Variants in BCKDHB observed in about 807,000 individuals in gnomAD.
The protein encoded by BCKDHB is branched chain keto acid dehydrogenase E1 subunit beta.
A neutral mutation model predicts 48.5 loss-of-function variants in BCKDHB; 41 were observed. The ratio of observed to expected loss-of-function variants is 0.85; its 90% CI spans 0.66 to 1.10. BCKDHB has a LOEUF of 1.10. Among genes scored for constraint, BCKDHB ranks in the 50% least tolerant of loss-of-function variants. The pLI is 0.00. For missense variants in BCKDHB, 496 were observed against 494.2 expected (o/e 1.00, Z -0.03); for synonymous variants, 201 against 174.8 (o/e 1.15, Z -1.18).
chr6:80,452,564 GTTTAT>G, the BCKDHB span, among the ~76,000 whole-genome samples: 2 of 152,098 alleles, frequency 1.3e-5, no homozygotes, highest in Admixed American at 1.3e-4. Flanking sequence ...ATTATGAAAT[GTTTAT>G]TTTATTATTA....
Position 80,343,732 on chromosome 6 carries a change from C to A in BCKDHB, c.1107C>A (p.His369Gln). 6.2e-7 allele frequency: 1 copy of A among 1,613,952 alleles called. No individual in the cohort carries two copies. The highest frequency in any genetic ancestry group is 8.5e-7 in the Non-Finnish European group (1 of 1,179,888). ...GTGGTTATGACACACCATTTCCTCACATTTTTGAACCATTCTACATCCCAG... is the reference window on the plus strand; with the variant it reads ...GTGGTTATGACACACCATTTCCTCAAATTTTTGAACCATTCTACATCCCAG... ...RVCGYDTPFP[H>Q]IFEPFYIPDK... Residue 369 changes from histidine (H) to glutamine (Q), a missense_variant, in exon 10 of 10, where the codon CAC (histidine) becomes CAA (glutamine). His to Gln is a conservative substitution (Grantham distance 24). Transcript: ENST00000320393.
At chr6:80,185,997 G>T (rs1488408177) in intron 6 of BCKDHB, among the ~76,000 whole-genome samples, 1 of 152,106 alleles carries the variant, frequency 6.6e-6, no homozygotes, top group African/African-American at 2.4e-5. Flanking sequence ...TCCTTTTTTG[G>T]AGCAGGGTTA....
At chr6:80,311,856 A>T (rs1005165484) in intron 9 of BCKDHB, among the ~76,000 whole-genome samples, 2 of 152,128 alleles carry the variant, frequency 1.3e-5, no homozygotes, top group African/African-American at 4.8e-5. Flanking sequence ...AAGTCGAGTA[A>T]CATTGATGCC....
At chr6:80,382,177 T>A in the BCKDHB span, among the ~76,000 whole-genome samples, 1 of 152,276 alleles carries the variant, frequency 6.6e-6, no homozygotes, top group Admixed American at 6.5e-5. Context: ...TTTTCATTCC[T>A]CTCAACCATC....
chr6:80,427,883 T>A, the BCKDHB span, among the ~76,000 whole-genome samples: 1 of 152,088 alleles, frequency 6.6e-6, no homozygotes, highest in Non-Finnish European at 1.5e-5. Flanking sequence ...CTGATTCAAT[T>A]TTTATTTTTT....
At chr6:80,410,654 TTTCTC>T in the BCKDHB span, among the ~76,000 whole-genome samples, 11 of 152,344 alleles carry the variant, frequency 7.2e-5, no homozygotes, top group South Asian at 1.7e-3. Context: ...TTTCTACTCT[TTTCTC>T]TAATCTTGTC....
At chr6:80,290,571 T>C (rs546460537) in intron 9 of BCKDHB, among the ~76,000 whole-genome samples, 64 of 152,334 alleles carry the variant, frequency 4.2e-4, no homozygotes, top group African/African-American at 1.5e-3. Flanking sequence ...ATGGATTGCA[T>C]TGAGACTACA....
the BCKDHB span, chr6:80,356,952 G>GCCCC: frequency 2.2e-5 from 2 of 90,358 alleles, no homozygotes; most frequent in African/African-American, 1.0e-4. Context: ...CCCCGCCCCC[G>GCCCC]CCCCCCCCCC....
At chr6:80,458,527 T>C in the BCKDHB span, among the ~76,000 whole-genome samples, 1 of 152,172 alleles carries the variant, frequency 6.6e-6, no homozygotes, top group Non-Finnish European at 1.5e-5. Flanking sequence ...CGGATTCCTG[T>C]CTAGGCCACA....
At chr6:80,267,192 G>T (rs1375195940) in intron 8 of BCKDHB, among the ~76,000 whole-genome samples, 1 of 152,066 alleles carries the variant, frequency 6.6e-6, no homozygotes, top group Admixed American at 6.6e-5. Flanking sequence ...GAGGTTGGAG[G>T]ATTAGACATA....
chr6:80,158,957 T>G (rs1343811839), intron 3 of BCKDHB, among the ~76,000 whole-genome samples: 2 of 152,246 alleles, frequency 1.3e-5, no homozygotes, highest in African/African-American at 4.8e-5. Flanking sequence ...TTTTTCATTT[T>G]CTACCTCTGG....
rs372316128 is a variant in BCKDHB at position 80,163,958 on chromosome 6, T to C, written c.344-3720T>C. 3.3e-5 allele frequency among the ~76,000 whole-genome samples: 5 copies of C among 152,340 alleles called. No homozygotes were observed. In the East Asian group the frequency reaches 5.8e-4, roughly 18 times the overall value. On this transcript the variant is annotated intron_variant, in intron 3 of 9. Transcript: ENST00000320393. ...CACCATTTCTCCACCTTCTCTGCTA[T>C]TATGCATTGTTATCTCTTACTGGGA...
intron 1 of BCKDHB, among the ~76,000 whole-genome samples, chr6:80,112,682 G>A (rs1769472596): frequency 6.6e-6 from 1 of 152,186 alleles, no homozygotes; most frequent in African/African-American, 2.4e-5. Flanking sequence ...ATTCCAAGGA[G>A]GCCTTTGTGC....
chr6:80,217,078 A>G (rs1775206452), intron 8 of BCKDHB, among the ~76,000 whole-genome samples: 1 of 152,124 alleles, frequency 6.6e-6, no homozygotes, highest in African/African-American at 2.4e-5. Flanking sequence ...CCCCACCTCT[A>G]CTAAAAATAC....
At chr6:80,368,743 G>T in the BCKDHB span, among the ~76,000 whole-genome samples, 2 of 152,226 alleles carry the variant, frequency 1.3e-5, no homozygotes, top group Admixed American at 6.5e-5. Flanking sequence ...GGGCATGGTG[G>T]CTCACACCTG....
intron 9 of BCKDHB, among the ~76,000 whole-genome samples, chr6:80,339,314 T>C (rs1769773413): frequency 6.6e-6 from 1 of 152,246 alleles, no homozygotes; most frequent in South Asian, 2.1e-4. Flanking sequence ...ATGGATCTTA[T>C]TCTTTTAATT....
chr6:80,267,009 A>T (rs967516445), intron 8 of BCKDHB, among the ~76,000 whole-genome samples: 1 of 152,014 alleles, frequency 6.6e-6, no homozygotes, highest in Non-Finnish European at 1.5e-5. Flanking sequence ...CCATGAAAAA[A>T]AATTCCTCAA....
At chr6:80,446,720 A>ATTTTTTT in the BCKDHB span, among the ~76,000 whole-genome samples, 5 of 111,348 alleles carry the variant, frequency 4.5e-5, no homozygotes, top group Non-Finnish European at 7.1e-5. Context: ...CTTCTGGACA[A>ATTTTTTT]TTTTTTTTTT....
At chr6:80,233,513 G>C (rs191326216) in intron 8 of BCKDHB, among the ~76,000 whole-genome samples, 1 of 152,094 alleles carries the variant, frequency 6.6e-6, no homozygotes, top group East Asian at 1.9e-4. Context: ...TTTCTCTCTG[G>C]ATCGATAGTT....
Sources: gnomAD v4.1 joint callset for allele counts (sites outside exome capture counted in the v4.1 genomes callset) on GRCh38, gnomAD v4.1.1 for gene constraint, MANE v1.5 for transcripts, NCBI Gene and HGNC (gene_info 2026-07-23, HGNC 2026-07-21) for gene names.